Variants in MMP26 observed in about 807,000 individuals in gnomAD.
The protein encoded by MMP26 is matrix metallopeptidase 26.
Under a neutral mutation model 31.0 loss-of-function variants are expected in MMP26, and 33 were observed. The observed-to-expected ratio is 1.06, with a 90% CI of 0.81 to 1.42. The LOEUF is 1.42. Ranked by LOEUF, MMP26 falls within the 40% of genes most tolerant of loss-of-function variation. MMP26 has a pLI of 0.00. For missense variants in MMP26, 347 were observed against 316.1 expected, an observed-to-expected ratio of 1.10 and a Z score of -0.74; for synonymous variants, 122 against 114.9, an observed-to-expected ratio of 1.06 and a Z score of -0.40.
intron 2 of MMP26, chr11:4,942,782 C>CA (rs1305582531): frequency 3.3e-5 from 5 of 152,140 alleles, no homozygotes; most frequent in Non-Finnish European, 1.5e-5. Flanking sequence ...CATGGGTACA[C>CA]ACACATAGAC....
intron 2 of MMP26, chr11:4,923,878 A>G: frequency 6.2e-7 from 1 of 1,614,050 alleles, no homozygotes; most frequent in Non-Finnish European, 8.5e-7. Context: ...TGAGGAGAGC[A>G]CTTCTAAGCA....
intron 2 of MMP26, among the ~76,000 whole-genome samples, chr11:4,790,139 A>C (rs972909979): frequency 7.9e-5 from 12 of 152,066 alleles, no homozygotes; most frequent in Non-Finnish European, 1.5e-4. Flanking sequence ...CAGGAGATTG[A>C]GACCATCCTG....
At position 4,943,667 on chromosome 11, in the gene MMP26, CTT is replaced by C. The variant is rs915610290; in HGVS notation, c.-144-44400_-144-44399del. ...TGTCCCCAGACATTGCCAAATGTCT[CTT>C]GGAGGTAACATTGCTGCCAGTTGAG... On this transcript the variant is annotated intron_variant, in intron 2 of 7. Coordinates refer to ENST00000380390, the MANE Select transcript of MMP26 (RefSeq NM_021801.5). 5 of 359,158 alleles carry C rather than the reference CTT, an allele frequency of 1.4e-5. No individual in the cohort carries two copies. The Admixed American group carries it at 1.8e-4, about 13-fold the overall frequency. 22.2% of individuals were successfully genotyped at this position (359,158 alleles called of 1,614,324 possible).
intron 2 of MMP26, among the ~76,000 whole-genome samples, chr11:4,815,752 C>G (rs1341903007): frequency 6.6e-6 from 1 of 151,990 alleles, no homozygotes; most frequent in Non-Finnish European, 1.5e-5. Flanking sequence ...GTAAAATAAT[C>G]CCAGGAATAC....
intron 1 of MMP26, among the ~76,000 whole-genome samples, chr11:4,755,210 A>G (rs1848491250): frequency 7.6e-6 from 1 of 132,224 alleles, no homozygotes; most frequent in South Asian, 2.6e-4. Flanking sequence ...CCAACTTTCT[A>G]TTAAATTTTC....
intron 2 of MMP26, among the ~76,000 whole-genome samples, chr11:4,916,685 T>A (rs1357051361): frequency 1.3e-5 from 2 of 152,132 alleles, no homozygotes; most frequent in Admixed American, 6.6e-5. Flanking sequence ...CTTACAGAAT[T>A]CCAGAGAAAG....
chr11:4,806,623 C>T lies in MMP26; in HGVS notation c.-145+39282C>T, dbSNP rs569006719. 9.9e-5 allele frequency among the ~76,000 whole-genome samples: 15 copies of T among 152,136 alleles called. 1 individual carries two copies. In the South Asian group the frequency reaches 1.9e-3, roughly 19 times the overall value. ...TTTTGAGCCTATGTGTGTCTCTGCACGTGAGATGGGTCTCCTGAATACAGC... is the reference window on the plus strand; with the variant it reads ...TTTTGAGCCTATGTGTGTCTCTGCATGTGAGATGGGTCTCCTGAATACAGC... On this transcript the variant is annotated intron_variant, in intron 2 of 7. Coordinates refer to ENST00000380390, the MANE Select transcript of MMP26 (RefSeq NM_021801.5).
intron 2 of MMP26, among the ~76,000 whole-genome samples, chr11:4,798,517 C>T (rs1849138944): frequency 6.6e-6 from 1 of 152,234 alleles, no homozygotes; most frequent in South Asian, 2.1e-4. Flanking sequence ...CCTCTACTCT[C>T]CATTGAACGG....
chr11:4,712,621 G>A (rs1162319699), intron 1 of MMP26, among the ~76,000 whole-genome samples: 1 of 152,042 alleles, frequency 6.6e-6, no homozygotes, highest in Non-Finnish European at 1.5e-5. Flanking sequence ...TAAAATAGAT[G>A]TACTAAGAAT....
intron 2 of MMP26, among the ~76,000 whole-genome samples, chr11:4,806,319 G>C (rs1489710825): frequency 6.6e-6 from 1 of 151,988 alleles, no homozygotes; most frequent in African/African-American, 2.4e-5. Context: ...GTTGACAGTG[G>C]GGTGTTAAAG....
At chr11:4,723,971 C>G in intron 1 of MMP26, 2 of 751,454 alleles carry the variant, frequency 2.7e-6, no homozygotes, top group Non-Finnish European at 4.8e-6. Flanking sequence ...TTCTGGTTGA[C>G]TGTGTCAGTG....
At chr11:4,764,948 C>T (rs968747874) in intron 1 of MMP26, among the ~76,000 whole-genome samples, 8 of 152,042 alleles carry the variant, frequency 5.3e-5, no homozygotes, top group African/African-American at 1.5e-4. Context: ...ACTCCATTTC[C>T]TGAGTATTTG....
At chr11:4,917,049 A>T (rs539028022) in intron 2 of MMP26, among the ~76,000 whole-genome samples, 1 of 152,206 alleles carries the variant, frequency 6.6e-6, no homozygotes, top group Non-Finnish European at 1.5e-5. Context: ...CTCAATTAAT[A>T]TCACTGGAAT....
At chr11:4,822,409 G>A in intron 2 of MMP26, 1 of 1,428,810 alleles carries the variant, frequency 7.0e-7, no homozygotes, top group Non-Finnish European at 9.2e-7. Context: ...AGCCATTTAT[G>A]AATAAGTGCT....
At chr11:4,735,895 C>T (rs1376558151) in intron 1 of MMP26, among the ~76,000 whole-genome samples, 1 of 152,074 alleles carries the variant, frequency 6.6e-6, no homozygotes, top group African/African-American at 2.4e-5. Context: ...AGAAAGTGCT[C>T]ATTTCAGCCA....
intron 2 of MMP26, chr11:4,914,380 C>T (rs12802922): frequency 0.097 from 19,778 of 204,624 alleles, 1,212 homozygotes; most frequent in Middle Eastern, 0.17. Flanking sequence ...TTCCACAATA[C>T]TCAATTCATG....
chr11:4,746,930 C>A (rs1848389879), intron 1 of MMP26, among the ~76,000 whole-genome samples: 1 of 151,434 alleles, frequency 6.6e-6, no homozygotes, highest in African/African-American at 2.4e-5. Flanking sequence ...GGCCACAAAA[C>A]TTTGAGCTGG....
intron 2 of MMP26, among the ~76,000 whole-genome samples, chr11:4,888,680 T>G (rs1000911774): frequency 6.6e-6 from 1 of 152,188 alleles, no homozygotes; most frequent in Non-Finnish European, 1.5e-5. Context: ...TGTTATGAGA[T>G]AGTTTATTGC....
chr11:4,886,542 CTAAT>C lies in MMP26; in HGVS notation c.-144-101524_-144-101521del, dbSNP rs533872072. ...TTGACCTCCAATGTTATTCAGATAACTAATTGTTTTTCAATAAATACATGTACTG... is the reference window on the plus strand; with the variant it reads ...TTGACCTCCAATGTTATTCAGATAACTGTTTTTCAATAAATACATGTACTG... On this transcript the variant is annotated intron_variant, in intron 2 of 7. Coordinates refer to ENST00000380390, the MANE Select transcript of MMP26 (RefSeq NM_021801.5). Among the ~76,000 whole-genome samples, 458 of 151,920 alleles carry C rather than the reference CTAAT, an allele frequency of 3.0e-3. 5 individuals carry two copies. The highest frequency in any genetic ancestry group is 0.01 in the African/African-American group (424 of 41,506).
Sources: gnomAD v4.1 joint callset for allele counts (sites outside exome capture counted in the v4.1 genomes callset) on GRCh38, gnomAD v4.1.1 for gene constraint, MANE v1.5 for transcripts, NCBI Gene and HGNC (gene_info 2026-07-23, HGNC 2026-07-21) for gene names.